The following CEP70 variants were observed in gnomAD, a reference collection of about 807,000 sequenced individuals.
CEP70 encodes centrosomal protein of 70 kDa.
CEP70 carries 70 observed loss-of-function variants against 90.9 expected under a neutral mutation model. That is an observed-to-expected ratio of 0.77 (90% CI 0.64 to 0.94). The LOEUF (loss-of-function observed/expected upper bound fraction) is 0.94, where lower values mean the gene tolerates loss of function less well. Ranked by LOEUF, CEP70 falls within the 40% of genes least tolerant of loss-of-function variation. CEP70 has a pLI of 0.00. For synonymous variants in CEP70, 220 were observed against 228.3 expected (o/e 0.96, Z 0.33); for missense variants, 648 against 669.0 (o/e 0.97, Z 0.35).
At chr3:138,514,164 A>G (rs1576579833) in intron 11 of CEP70, among the ~76,000 whole-genome samples, 1 of 152,164 alleles carries the variant, frequency 6.6e-6, no homozygotes, top group East Asian at 1.9e-4. Context: ...CTTTGGAATC[A>G]TTTCTTTGAA....
At chr3:138,520,094 A>G (rs1033053828) in intron 11 of CEP70, among the ~76,000 whole-genome samples, 1 of 152,222 alleles carries the variant, frequency 6.6e-6, no homozygotes, top group Non-Finnish European at 1.5e-5. Flanking sequence ...GAAGGCCATT[A>G]CATAATGGTA....
chr3:138,551,912 C>T (rs1208131509), intron 6 of CEP70, among the ~76,000 whole-genome samples: 1 of 152,172 alleles, frequency 6.6e-6, no homozygotes, highest in African/African-American at 2.4e-5. Flanking sequence ...CACCAATCAT[C>T]TGTTGCCTTC....
At chr3:138,498,804 T>C (rs1181221934) in intron 16 of CEP70, among the ~76,000 whole-genome samples, 1 of 151,842 alleles carries the variant, frequency 6.6e-6, no homozygotes, top group Non-Finnish European at 1.5e-5. Flanking sequence ...TCCCAGCACT[T>C]TGGAGGCCAA....
At chr3:138,589,606 C>T (rs2042275716) in intron 2 of CEP70, among the ~76,000 whole-genome samples, 1 of 151,722 alleles carries the variant, frequency 6.6e-6, no homozygotes, top group South Asian at 2.1e-4. Context: ...TGCAGTGAGC[C>T]AAGATCATAC....
intron 1 of CEP70, among the ~76,000 whole-genome samples, chr3:138,592,172 G>T (rs2042416878): frequency 6.6e-6 from 1 of 152,026 alleles, no homozygotes; most frequent in Non-Finnish European, 1.5e-5. Context: ...TCCCTACCTT[G>T]TTAAGACATT....
At chr3:138,503,527 A>C (rs910149545) in intron 13 of CEP70, among the ~76,000 whole-genome samples, 2 of 152,230 alleles carry the variant, frequency 1.3e-5, no homozygotes, top group Non-Finnish European at 2.9e-5. Context: ...ATAACCTTTG[A>C]TATGAGGCCT....
intron 17 of CEP70, chr3:138,496,878 A>G: frequency 4.1e-6 from 4 of 985,564 alleles, no homozygotes; most frequent in Non-Finnish European, 4.8e-6. Flanking sequence ...AAGTTTCTAT[A>G]GAAGCATTCT....
chr3:138,496,962 A>G lies in CEP70; in HGVS notation c.1732+1069T>C, dbSNP rs184845137. 2.0e-3 allele frequency: 1,978 copies of G among 989,732 alleles called. 1 individual carries two copies. Among genetic ancestry groups the G allele is most frequent in the Non-Finnish European group, 2.2e-3 (1,865 of 832,992 alleles). The allele number at this position is 989,732 out of a possible 1,614,324, so 61.3% of individuals were successfully genotyped here. The stretch of plus-strand genomic sequence containing the variant: ...CCAAATATTTATGAATGATGAGAAC[A>G]TCACTGCTTAAGTTAATAGCAATCC... On this transcript the variant is annotated intron_variant, in intron 17 of 17. Transcript: ENST00000264982.
chr3:138,548,884 C>T (rs2039413733), intron 6 of CEP70, among the ~76,000 whole-genome samples: 1 of 152,188 alleles, frequency 6.6e-6, no homozygotes, highest in African/African-American at 2.4e-5. Flanking sequence ...TGTGAATGCC[C>T]AAGCTATGAA....
At chr3:138,586,480 AG>A (rs2042111703) in intron 2 of CEP70, among the ~76,000 whole-genome samples, 1 of 152,256 alleles carries the variant, frequency 6.6e-6, no homozygotes. Context: ...TACATAATGG[AG>A]TACTACTCAG....
intron 2 of CEP70, among the ~76,000 whole-genome samples, chr3:138,584,902 A>C (rs1329577394): frequency 6.6e-6 from 1 of 152,068 alleles, no homozygotes; most frequent in Non-Finnish European, 1.5e-5. Context: ...GAACAAGGAT[A>C]AAAAATTGAC....
intron 2 of CEP70, among the ~76,000 whole-genome samples, chr3:138,584,710 T>G (rs532265039): frequency 6.6e-6 from 1 of 151,938 alleles, no homozygotes; most frequent in Non-Finnish European, 1.5e-5. Flanking sequence ...TCGTTTCAAC[T>G]GATACTGAAA....
chr3:138,494,949 A>G lies in CEP70; in HGVS notation c.*66T>C. 1.1e-6 allele frequency: 1 copy of G among 897,036 alleles called. No individual in the cohort carries two copies. The highest frequency in any genetic ancestry group is 1.8e-6 in the Non-Finnish European group (1 of 560,478). The allele number at this position is 897,036 out of a possible 1,614,324, so 55.6% of individuals were successfully genotyped here. A position where few individuals can be genotyped will look rare whatever the true frequency, so the allele number is the denominator to read the frequency against. On this transcript the variant is annotated 3_prime_UTR_variant, in exon 18 of 18. Transcript: ENST00000264982. ...TTTACAACCCTTGTCTCAAAATAAG[A>G]TCAATCCTACAAAATACAAAATGTT...
At chr3:138,560,883 G>A (rs963253820) in intron 6 of CEP70, among the ~76,000 whole-genome samples, 31 of 152,280 alleles carry the variant, frequency 2.0e-4, no homozygotes, top group African/African-American at 7.5e-4. Flanking sequence ...GGGGCTTAGA[G>A]ATAAAACCCC....
chr3:138,527,224 G>A (rs1341350656), intron 10 of CEP70, among the ~76,000 whole-genome samples: 2 of 151,718 alleles, frequency 1.3e-5, no homozygotes, highest in Non-Finnish European at 2.9e-5. Context: ...GGAGTGTGGT[G>A]GTGTGATCAC....
chr3:138,591,063 C>G (rs765567324), intron 2 of CEP70, among the ~76,000 whole-genome samples: 8 of 152,064 alleles, frequency 5.3e-5, no homozygotes, highest in Non-Finnish European at 1.2e-4. Context: ...AAAGGAAATG[C>G]TAACCTAACC....
chr3:138,546,519 T>G (rs2107904331), intron 6 of CEP70, among the ~76,000 whole-genome samples: 1 of 152,160 alleles, frequency 6.6e-6, no homozygotes, highest in African/African-American at 2.4e-5. Context: ...GAGGCCAAGG[T>G]GGGCAGATCC....
At chr3:138,547,503 T>C (rs2039302313) in intron 6 of CEP70, among the ~76,000 whole-genome samples, 1 of 152,214 alleles carries the variant, frequency 6.6e-6, no homozygotes, top group African/African-American at 2.4e-5. Context: ...CAGGATAACA[T>C]AGAAGATTCG....
chr3:138,552,315 A>G (rs1029197341), intron 6 of CEP70, among the ~76,000 whole-genome samples: 1 of 152,226 alleles, frequency 6.6e-6, no homozygotes, highest in Non-Finnish European at 1.5e-5. Context: ...TATACCCCGG[A>G]ACAAATAAAC....
Sources: allele counts gnomAD v4.1 joint callset (sites outside exome capture counted in the v4.1 genomes callset), GRCh38; gene constraint gnomAD v4.1.1; transcripts MANE v1.5; gene names NCBI Gene and HGNC (gene_info 2026-07-23, HGNC 2026-07-21).